ZSWIM1: variants seen among roughly 807,000 people sequenced by gnomAD.
ZSWIM1 encodes zinc finger SWIM domain-containing protein 1.
A neutral mutation model predicts 29.3 loss-of-function variants in ZSWIM1; 22 were observed. That is an observed-to-expected ratio of 0.75 (90% confidence interval 0.54 to 1.07). The LOEUF is 1.07. ZSWIM1 is among the 50% of genes least tolerant of loss of function. The probability of loss-of-function intolerance (pLI) is 0.00; values close to 1 mark genes in which losing one functional copy is unlikely to be tolerated. For synonymous variants in ZSWIM1, 228 were observed against 240.8 expected, an observed-to-expected ratio of 0.95 and a Z score of 0.49; for missense variants, 511 against 596.2, an observed-to-expected ratio of 0.86 and a Z score of 1.49.
At position 45,883,506 on chromosome 20, in the gene ZSWIM1, A is replaced by G. The variant is rs762537112; in HGVS notation, c.914A>G (p.Asn305Ser). The change falls in exon 2 of 2, where the codon AAT becomes AGT. Residue 305 changes from asparagine (N) to serine (S), a missense_variant. Physicochemically the swap from Asn to Ser is conservative, Grantham distance 46. Transcript: ENST00000372523. Reference sequence around the variant, plus strand: ...AACCAGGGCCTGTGTGCCCAGAACAATCATGCTCCCTCAGACACCATCCCC... The same window carrying G: ...AACCAGGGCCTGTGTGCCCAGAACAGTCATGCTCCCTCAGACACCATCCCC... ...NFNQGLCAQN[N>S]HAPSDTIPES... 7.4e-6 allele frequency: 12 copies of G among 1,614,216 alleles called. No homozygotes were observed. Among genetic ancestry groups the G allele is most frequent in the South Asian group, 6.6e-5 (6 of 91,086 alleles).
At chr20:45,880,963 G>A (rs948768220), upstream of ZSWIM1, among the ~76,000 whole-genome samples, 12 of 152,168 alleles carry the variant, frequency 7.9e-5, no homozygotes, top group Non-Finnish European at 2.9e-5. Context: ...AGTTTCCATA[G>A]TAACGTGTCC....
chr20:45,882,413 T>C (rs1169782248), intron 1 of ZSWIM1, 120 bp from the exon 2 acceptor site: 10 of 672,784 alleles, frequency 1.5e-5, no homozygotes, highest in Non-Finnish European at 2.2e-5. Flanking sequence ...TACATGTTTA[T>C]TGTGTATCTT....
intron 1 of ZSWIM1, among the ~76,000 whole-genome samples, chr20:45,882,010 G>A (rs879467605): frequency 6.6e-6 from 1 of 152,162 alleles, no homozygotes; most frequent in Non-Finnish European, 1.5e-5. Context: ...ACCATACCCG[G>A]CTAATTCTTT....
Position 45,883,528 on chromosome 20 carries a change from C to T in ZSWIM1, c.936C>T (p.Ile312=), listed in dbSNP as rs1233104312. 1 of 1,614,232 alleles carries T rather than the reference C, an allele frequency of 6.2e-7. No homozygotes were observed. The highest frequency in any genetic ancestry group is 8.5e-7 in the Non-Finnish European group (1 of 1,180,042). The change falls in exon 2 of 2, where the codon ATC becomes ATT. Residue 312 remains isoleucine (I), a synonymous_variant. Coordinates refer to ENST00000372523, the MANE Select transcript of ZSWIM1 (RefSeq NM_080603.5). ...ACAATCATGCTCCCTCAGACACCAT[C>T]CCCGAAAGCCCCAAACTGGAGCAGC... ...AQNNHAPSDT[I]PESPKLEQLV...
chr20:45,883,865 C>A lies in ZSWIM1; in HGVS notation c.1273C>A (p.Leu425Ile). The A allele has an allele frequency of 1.2e-6, 2 of 1,613,862 alleles. No individual in the cohort carries two copies. Among genetic ancestry groups the A allele is most frequent in the Non-Finnish European group, 1.7e-6 (2 of 1,180,028 alleles). The change falls in exon 2 of 2, where the codon CTA becomes ATA. Residue 425 changes from leucine to isoleucine, a missense_variant. By Grantham distance (5) the Leu-to-Ile change is conservative. Transcript: ENST00000372523. Reference protein sequence around the residue: ...AQWTAGCATSLDSILGSKWSE... With the variant: ...AQWTAGCATSIDSILGSKWSE... ...GTGGACGGCAGGCTGTGCTACCAGTCTAGACAGCATCCTGGGCAGCAAGTG... is the reference window on the plus strand; with the variant it reads ...GTGGACGGCAGGCTGTGCTACCAGTATAGACAGCATCCTGGGCAGCAAGTG...
In ZSWIM1 at chr20:45,882,669, C is replaced by T; in HGVS notation, c.77C>T (p.Pro26Leu). ...KYFDLGIWTAPISPMALTMLN... is the reference protein window; with the variant it reads ...KYFDLGIWTALISPMALTMLN... ...TTTGACCTTGGCATTTGGACAGCTC[C>T]CATCTCTCCCATGGCCCTGACAATG... Residue 26 changes from proline to leucine, a missense_variant, in exon 2 of 2, where the codon CCC becomes CTC. Physicochemically the swap from Pro to Leu is moderately conservative, Grantham distance 98. Transcript: ENST00000372523. 1 of 1,614,200 alleles carries T rather than the reference C, an allele frequency of 6.2e-7. No individual in the cohort carries two copies. The highest frequency in any genetic ancestry group is 8.5e-7 in the Non-Finnish European group (1 of 1,180,048).
rs758166856 is a variant in ZSWIM1 at position 45,883,840 on chromosome 20, G to A, written c.1248G>A (p.Gln416=). Reference sequence around the variant, plus strand: ...TCCAGCCCGACATGCTGCCGGCTCAGTGGACGGCAGGCTGTGCTACCAGTC... The same window carrying A: ...TCCAGCCCGACATGCTGCCGGCTCAATGGACGGCAGGCTGTGCTACCAGTC... ...QVLQPDMLPA[Q]WTAGCATSLD... Residue 416 remains glutamine, a synonymous_variant, in exon 2 of 2, where the codon CAG becomes CAA. Transcript: ENST00000372523. 3.1e-6 allele frequency: 5 copies of A among 1,613,542 alleles called. No homozygotes were observed. The highest frequency in any genetic ancestry group is 4.2e-6 in the Non-Finnish European group (5 of 1,180,036).
chr20:45,881,973 G>A (rs1986277021), intron 1 of ZSWIM1, among the ~76,000 whole-genome samples: 1 of 152,150 alleles, frequency 6.6e-6, no homozygotes, highest in African/African-American at 2.4e-5. Flanking sequence ...TCAGCCTCCC[G>A]AGTAGCTGAG....
In ZSWIM1 at chr20:45,884,105, T is replaced by TACACAC. The variant is rs71181872; in HGVS notation, c.*88_*93dup. On this transcript the variant is annotated 3_prime_UTR_variant, in exon 2 of 2. Coordinates refer to ENST00000372523, the MANE Select transcript of ZSWIM1 (RefSeq NM_080603.5). The stretch of plus-strand genomic sequence containing the variant: ...ACCTGTGCACACTCACATCCACCCA[T>TACACAC]ACACACACACACACACACACACACA... 3.5e-3 allele frequency: 3,782 copies of TACACAC among 1,089,216 alleles called. 26 individuals carry two copies. Among genetic ancestry groups the TACACAC allele is most frequent in the African/African-American group, 0.026 (1,519 of 57,810 alleles). 67.5% of individuals were successfully genotyped at this position (1,089,216 alleles called of 1,614,324 possible).
In ZSWIM1 at chr20:45,883,200, G is replaced by A; in HGVS notation, c.608G>A (p.Cys203Tyr). ...LLLTSLQSTM[C>Y]SATAGNLRKL... ...CTGACCTCCCTGCAGAGCACAATGTGCTCAGCCACAGCAGGCAACCTGAGA... is the reference window on the plus strand; with the variant it reads ...CTGACCTCCCTGCAGAGCACAATGTACTCAGCCACAGCAGGCAACCTGAGA... The change falls in exon 2 of 2, where the codon TGC becomes TAC. Residue 203 changes from cysteine (C) to tyrosine (Y), a missense_variant. Cys to Tyr is a radical substitution (Grantham distance 194, BLOSUM62 -2). Transcript: ENST00000372523. The A allele has an allele frequency of 1.2e-6, 2 of 1,613,890 alleles. No homozygotes were observed. The highest frequency in any genetic ancestry group is 1.7e-6 in the Non-Finnish European group (2 of 1,180,034).
At position 45,885,141 on chromosome 20, in the gene ZSWIM1, G is replaced by C. The variant is rs933132469; in HGVS notation, c.*1091G>C. ...GACTCACTTAACCCGTCTCCTTTAA[G>C]TGAGCTGGGCTGGGAGGCTTCCTAC... is the stretch of plus-strand genomic sequence containing the variant. On this transcript the variant is annotated 3_prime_UTR_variant, in exon 2 of 2. Coordinates refer to ENST00000372523, the MANE Select transcript of ZSWIM1 (RefSeq NM_080603.5). The C allele has an allele frequency of 3.0e-5, 5 of 167,110 alleles. No individual in the cohort carries two copies. The highest frequency in any genetic ancestry group is 1.2e-4 in the African/African-American group (5 of 41,452). 10.4% of individuals were successfully genotyped at this position (167,110 alleles called of 1,614,324 possible). A position where few individuals can be genotyped will look rare whatever the true frequency, so the allele number is the denominator to read the frequency against.
chr20:45,882,159 A>G (rs1028952292), intron 1 of ZSWIM1, among the ~76,000 whole-genome samples: 4 of 152,112 alleles, frequency 2.6e-5, no homozygotes, highest in African/African-American at 9.7e-5. Context: ...CTAGAATGCT[A>G]TTTTTTTAAA....
chr20:45,884,031 A>AT lies in ZSWIM1; in HGVS notation c.1440dup (p.Glu481Ter). 6.2e-7 allele frequency: 1 copy of AT among 1,612,718 alleles called. No individual in the cohort carries two copies. The highest frequency in any genetic ancestry group is 8.5e-7 in the Non-Finnish European group (1 of 1,179,090). ...CTGGCCGACAGCTGGATTGGGCCTT[A>AT]TGAGCAGGTCCAACTCTGATTATTC... On this transcript the variant is annotated frameshift_variant, in exon 2 of 2. Coordinates refer to ENST00000372523, the MANE Select transcript of ZSWIM1 (RefSeq NM_080603.5). LOFTEE classifies it high-confidence loss of function.
Position 45,883,577 on chromosome 20 carries a change from T to A in ZSWIM1, c.985T>A (p.Ser329Thr). 6.2e-7 allele frequency: 1 copy of A among 1,614,202 alleles called. No individual in the cohort carries two copies. The highest frequency in any genetic ancestry group is 1.7e-5 in the Admixed American group (1 of 60,026). The change falls in exon 2 of 2, where the codon TCC (serine) becomes ACC (threonine). Residue 329 changes from serine to threonine, a missense_variant. Ser to Thr is a moderately conservative substitution (Grantham distance 58). Transcript: ENST00000372523. The stretch of plus-strand genomic sequence containing the variant: ...GCTGGTAGAATCCCACATCCAGCAC[T>A]CCCTCAATGCCATCTGCACAGGGCC... ...EQLVESHIQH[S>T]LNAICTGPAA... is the part of the protein sequence containing the mutation.
rs45447691 is a variant in ZSWIM1, at chr20:45,883,443, G to A, written c.851G>A (p.Arg284His). 15,794 of 1,614,192 alleles carry A rather than the reference G, an allele frequency of 9.8e-3. 116 individuals carry two copies. The highest frequency in any genetic ancestry group is 0.02 in the East Asian group (890 of 44,884). The change falls in exon 2 of 2, where the codon CGT (arginine) becomes CAT (histidine). Residue 284 changes from arginine to histidine, a missense_variant. By Grantham distance (29) the Arg-to-His change is conservative. Coordinates refer to ENST00000372523, the MANE Select transcript of ZSWIM1 (RefSeq NM_080603.5). ...AAACAAGGTATGGCTTCTCTGTTCC[G>A]TTACATGCAGCAGAACTCTGCAGAC... ...SEKQGMASLF[R>H]YMQQNSADKA... is the part of the protein sequence containing the mutation.
intron 1 of ZSWIM1, among the ~76,000 whole-genome samples, 182 bp downstream of exon 1, chr20:45,881,443 C>A (rs929303881): frequency 6.6e-6 from 1 of 152,320 alleles, no homozygotes; most frequent in South Asian, 2.1e-4. Flanking sequence ...GCCGTATTCC[C>A]TCTGTTGGTT....
rs771846249 is a variant in ZSWIM1 at position 45,883,090 on chromosome 20, C to T, written c.498C>T (p.Val166=). Residue 166 remains valine (V), a synonymous_variant, in exon 2 of 2, where the codon GTC becomes GTT. Transcript: ENST00000372523. ...CTATGGAGTTCCCCACAGCTGAGGT[C>T]CTTCTCTCAGCCTTCCACATTTGTA... ...ILAMEFPTAE[V]LLSAFHICKF... 1.2e-6 allele frequency: 2 copies of T among 1,614,208 alleles called. No homozygotes were observed. The highest frequency in any genetic ancestry group is 1.1e-5 in the South Asian group (1 of 91,080).
At position 45,884,529 on chromosome 20, in the gene ZSWIM1, ATT is replaced by A. The variant is rs1180178986; in HGVS notation, c.*484_*485del. ...AGGCGCCCGCCACAATGCCGGGCTA[ATT>A]TTTTGTATTTTTAGTAGAGACGGGG... On this transcript the variant is annotated 3_prime_UTR_variant, in exon 2 of 2. Transcript: ENST00000372523. 2 of 164,724 alleles carry A rather than the reference ATT, an allele frequency of 1.2e-5. No individual in the cohort carries two copies. The highest frequency in any genetic ancestry group is 2.9e-5 in the Non-Finnish European group (2 of 68,054). 10.2% of individuals were successfully genotyped at this position (164,724 alleles called of 1,614,324 possible). A position where few individuals can be genotyped will look rare whatever the true frequency, so the allele number is the denominator to read the frequency against.
chr20:45,881,302 T>A (rs1986253295), intron 1 of ZSWIM1, 41 bp downstream of exon 1: 1 of 152,250 alleles, frequency 6.6e-6, no homozygotes, highest in African/African-American at 2.4e-5. Context: ...AGACAGCGGA[T>A]CACCGCAGTT....
Sources: gnomAD v4.1 joint callset for allele counts (sites outside exome capture counted in the v4.1 genomes callset) on GRCh38, gnomAD v4.1.1 for gene constraint, MANE v1.5 for transcripts, NCBI Gene and HGNC (gene_info 2026-07-23, HGNC 2026-07-21) for gene names.